Variants in GLS observed in about 807,000 individuals in gnomAD.
GLS encodes the protein glutaminase kidney isoform, mitochondrial.
In GLS, 36 loss-of-function variants were observed where a neutral mutation model predicts 86.7. The observed-to-expected ratio is 0.42, with a 90% CI of 0.32 to 0.55. The LOEUF is 0.55. Among genes scored for constraint, GLS ranks in the 20% least tolerant of loss-of-function variants. The probability of loss-of-function intolerance (pLI) is 0.17; values close to 1 mark genes in which losing one functional copy is unlikely to be tolerated. For synonymous variants in GLS, 317 were observed against 305.9 expected, an observed-to-expected ratio of 1.04 and a Z score of -0.38; for missense variants, 528 against 833.4, an observed-to-expected ratio of 0.63 and a Z score of 4.51.
chr2:190,919,728 T>C, intron 7 of GLS: 1 of 622,930 alleles, frequency 1.6e-6, no homozygotes, highest in Non-Finnish European at 2.0e-6. Flanking sequence ...GAGTTACATT[T>C]CTACATTTTG....
chr2:190,934,304 C>G, intron 14 of GLS: 1 of 964,358 alleles, frequency 1.0e-6, no homozygotes, highest in Non-Finnish European at 1.2e-6. Context: ...ATCATAATGT[C>G]TTAAGTTTGG....
rs554648063 is a variant in GLS, at chr2:190,959,011, C to A, written c.1854-3819C>A. 7.2e-5 allele frequency among the ~76,000 whole-genome samples: 11 copies of A among 152,224 alleles called. No individual in the cohort carries two copies. The East Asian group carries it at 2.1e-3, about 29-fold the overall frequency. On this transcript the variant is annotated intron_variant, in intron 17 of 17. Transcript: ENST00000320717. ...GTCTCGTTGATCTGTCTAATATTGACAGTGGGGTGTTAAAGTCTCCCACTA... is the reference window on the plus strand; with the variant it reads ...GTCTCGTTGATCTGTCTAATATTGAAAGTGGGGTGTTAAAGTCTCCCACTA...
chr2:190,925,312 T>C (rs185263549), intron 11 of GLS, among the ~76,000 whole-genome samples: 395 of 152,350 alleles, frequency 2.6e-3, no homozygotes, highest in Non-Finnish European at 3.9e-3. Context: ...TCTTTGTTAC[T>C]ACTCTATCCT....
chr2:190,940,759 C>G (rs1472897172), intron 14 of GLS, among the ~76,000 whole-genome samples: 1 of 149,982 alleles, frequency 6.7e-6, no homozygotes, highest in Non-Finnish European at 1.5e-5. Context: ...TTTTTTAATG[C>G]CTTCTAAATA....
At position 190,963,993 on chromosome 2, in the gene GLS, TAACA is replaced by T. The variant is rs1177540616; in HGVS notation, c.*1012_*1015del. ...CTGAAAGTATGGGAACTGCTACAAC[TAACA>T]AACATTTGTTTCCAAGCCTGTCATT... On this transcript the variant is annotated 3_prime_UTR_variant, in exon 18 of 18. Coordinates refer to ENST00000320717, the MANE Select transcript of GLS (RefSeq NM_014905.5). 5 of 152,160 alleles carry T rather than the reference TAACA, an allele frequency of 3.3e-5. No individual in the cohort carries two copies. Among genetic ancestry groups the T allele is most frequent in the African/African-American group, 1.2e-4 (5 of 41,436 alleles). 9.4% of individuals were successfully genotyped at this position (152,160 alleles called of 1,614,324 possible). A position where few individuals can be genotyped will look rare whatever the true frequency, so the allele number is the denominator to read the frequency against.
intron 9 of GLS, among the ~76,000 whole-genome samples, chr2:190,922,995 A>G (rs1174103253): frequency 6.6e-6 from 1 of 152,058 alleles, no homozygotes; most frequent in Non-Finnish European, 1.5e-5. Context: ...ATCAGTCTTT[A>G]CTCTGCCTCT....
In GLS at chr2:190,905,940, G is replaced by T. The variant is rs1484906625; in HGVS notation, c.979+773G>T. 6.6e-6 allele frequency among the ~76,000 whole-genome samples: 1 copy of T among 151,778 alleles called. No homozygotes were observed. Among genetic ancestry groups the T allele is most frequent in the Non-Finnish European group, 1.5e-5 (1 of 67,858 alleles). ...TAATGGCTGTGAGAGATACACTTTT[G>T]TACTTTTTTTTTCTGCTGTATAAAA... On this transcript the variant is annotated intron_variant, in intron 6 of 17. Transcript: ENST00000320717. This position sits in a 1 kb window ranked among gnomAD's most constrained non-coding sequence, Gnocchi z 4.6.
At position 190,902,729 on chromosome 2, in the gene GLS, G is replaced by C. The variant is rs141504650; in HGVS notation, c.815+703G>C. On this transcript the variant is annotated intron_variant, in intron 5 of 17. Coordinates refer to ENST00000320717, the MANE Select transcript of GLS (RefSeq NM_014905.5). Reference sequence around the variant, plus strand: ...CATTGTGCTGGGAATTAGACATAAAGATTGTTATCATCTTATAATTTGGTT... The same window carrying C: ...CATTGTGCTGGGAATTAGACATAAACATTGTTATCATCTTATAATTTGGTT... 4.2e-3 allele frequency among the ~76,000 whole-genome samples: 646 copies of C among 152,264 alleles called. 7 individuals carry two copies. The highest frequency in any genetic ancestry group is 6.1e-3 in the Non-Finnish European group (418 of 67,996).
At position 190,962,147 on chromosome 2, in the gene GLS, T is replaced by C. The variant is rs1691019296; in HGVS notation, c.1854-683T>C. ...TCTGGCAACTCTTCATTTCTTCTTA[T>C]CCTTGAATATTCATCTACATCACTC... On this transcript the variant is annotated intron_variant, in intron 17 of 17. Coordinates refer to ENST00000320717, the MANE Select transcript of GLS (RefSeq NM_014905.5). This position sits in a 1 kb window ranked among gnomAD's most constrained non-coding sequence, Gnocchi z 4.2. 6.6e-6 allele frequency among the ~76,000 whole-genome samples: 1 copy of C among 152,184 alleles called. No individual in the cohort carries two copies. The highest frequency in any genetic ancestry group is 1.5e-5 in the Non-Finnish European group (1 of 68,038).
intron 1 of GLS, among the ~76,000 whole-genome samples, chr2:190,885,700 T>G (rs938707512): frequency 1.3e-5 from 2 of 152,112 alleles, no homozygotes; most frequent in African/African-American, 4.8e-5. Flanking sequence ...TTTTAAAAGC[T>G]AACATATTTA....
In GLS at chr2:190,935,823, A is replaced by C. The variant is rs73979306; in HGVS notation, c.1650+4186A>C. Among the ~76,000 whole-genome samples the C allele has an allele frequency of 2.8e-3, 427 of 151,322 alleles. 2 individuals are homozygous for C. The highest frequency in any genetic ancestry group is 9.5e-3 in the African/African-American group (393 of 41,512). ...GACAGTGATACAGAAATTCACCTTA[A>C]CTGGTTTCTGAGGGGATTACATTTT... On this transcript the variant is annotated intron_variant, in intron 14 of 17. Coordinates refer to ENST00000320717, the MANE Select transcript of GLS (RefSeq NM_014905.5). This position sits in a 1 kb window ranked among gnomAD's most constrained non-coding sequence, Gnocchi z 4.2.
At chr2:190,950,689 G>A (rs367907440) in intron 14 of GLS, among the ~76,000 whole-genome samples, 6 of 152,122 alleles carry the variant, frequency 3.9e-5, no homozygotes, top group East Asian at 3.9e-4. Flanking sequence ...CTGGTAACCC[G>A]TGTTGGCCCT....
intron 1 of GLS, among the ~76,000 whole-genome samples, chr2:190,886,508 A>G (rs1236406315): frequency 1.3e-5 from 2 of 151,998 alleles, no homozygotes; most frequent in Non-Finnish European, 2.9e-5. Flanking sequence ...ATGAGGCAAT[A>G]TGTAGGCCAG....
At chr2:190,910,353 A>G in intron 7 of GLS, 32 bp downstream of exon 7, 4 of 1,304,888 alleles carry the variant, frequency 3.1e-6, no homozygotes, top group Non-Finnish European at 4.4e-6. Flanking sequence ...TTAACCTAGT[A>G]AAACTTTTTT....
In GLS at chr2:190,954,167, C is replaced by T. The variant is rs1330642392; in HGVS notation, c.1713-417C>T. Among the ~76,000 whole-genome samples, 3 of 152,028 alleles carry T rather than the reference C, an allele frequency of 2.0e-5. No individual in the cohort carries two copies. The highest frequency in any genetic ancestry group is 2.0e-4 in the Admixed American group (3 of 15,248). On this transcript the variant is annotated intron_variant, in intron 15 of 17. Coordinates refer to ENST00000320717, the MANE Select transcript of GLS (RefSeq NM_014905.5). The surrounding 1 kb of genome is among the most constrained non-coding windows in gnomAD (Gnocchi z 4.0). ...GTGGAAAAATGTCTGTGCTTCCCCC[C>T]CTTGTTTTGAAGTCTGACAAGTACT...
intron 14 of GLS, among the ~76,000 whole-genome samples, chr2:190,945,436 G>C (rs1231816569): frequency 6.6e-6 from 1 of 152,036 alleles, no homozygotes; most frequent in Non-Finnish European, 1.5e-5. Context: ...GGTGTCAGGA[G>C]GATTGCTTGA....
chr2:190,953,553 T>C lies in GLS; in HGVS notation c.1651-12T>C. ...CTCTCCTAAGGATGCCTAAACTTTCTTTTCTTCACAGGTAAAGTCAGTGAT... is the reference window on the plus strand; with the variant it reads ...CTCTCCTAAGGATGCCTAAACTTTCCTTTCTTCACAGGTAAAGTCAGTGAT... On this transcript the variant is annotated splice_polypyrimidine_tract_variant and intron_variant, in intron 14 of 17. Coordinates refer to ENST00000320717, the MANE Select transcript of GLS (RefSeq NM_014905.5). The surrounding 1 kb of genome is among the most constrained non-coding windows in gnomAD (Gnocchi z 4.0). The C allele has an allele frequency of 6.3e-7, 1 of 1,597,088 alleles. No homozygotes were observed. Among genetic ancestry groups the C allele is most frequent in the Non-Finnish European group, 8.6e-7 (1 of 1,164,616 alleles).
In GLS at chr2:190,927,387, G is replaced by A. The variant is rs1689934958; in HGVS notation, c.1330G>A (p.Gly444Ser). The change falls in exon 12 of 18, where the codon GGT (glycine) becomes AGT (serine). Residue 444 changes from glycine to serine, a missense_variant. Gly to Ser is a moderately conservative substitution (Grantham distance 56). Transcript: ENST00000320717. ...LANGGFCPIT[G>S]ERVLSPEAVR... is the part of the protein sequence containing the mutation. ...TAATGGTGGTTTCTGCCCAATTACT[G>A]GTGAAAGAGTACTGAGCCCTGAAGC... 1 of 1,613,758 alleles carries A rather than the reference G, an allele frequency of 6.2e-7. No homozygotes were observed.
intron 4 of GLS, 106 bp from the exon 5 acceptor site, chr2:190,901,841 C>G: frequency 1.4e-6 from 1 of 724,294 alleles, no homozygotes; most frequent in South Asian, 1.6e-5. Context: ...TGTAGAATAA[C>G]TAGTCATTGG....
Sources: allele counts gnomAD v4.1 joint callset (sites outside exome capture counted in the v4.1 genomes callset), GRCh38; gene constraint gnomAD v4.1.1; non-coding constraint Gnocchi (gnomAD v3.1); transcripts MANE v1.5; gene names NCBI Gene and HGNC (gene_info 2026-07-23, HGNC 2026-07-21).